Variants in ZNF438 observed in about 807,000 individuals in gnomAD.
ZNF438 encodes zinc finger protein 438.
Under a neutral mutation model 38.0 loss-of-function variants are expected in ZNF438, and 25 were observed. The observed-to-expected ratio is 0.66, with a 90% CI of 0.48 to 0.92. The LOEUF (loss-of-function observed/expected upper bound fraction) is 0.92. Among genes scored for constraint, ZNF438 ranks in the 40% least tolerant of loss-of-function variants. The pLI is 0.00. For missense variants in ZNF438, 1,007 were observed against 999.6 expected, an observed-to-expected ratio of 1.01 and a Z score of -0.10; for synonymous variants, 372 against 364.1, an observed-to-expected ratio of 1.02 and a Z score of -0.25.
At chr10:30,891,450 A>G (rs1301944355) in intron 3 of ZNF438, among the ~76,000 whole-genome samples, 1 of 152,212 alleles carries the variant, frequency 6.6e-6, no homozygotes, top group African/African-American at 2.4e-5. Context: ...TTCCGTAACT[A>G]AAAGTGACAG....
At chr10:31,012,498 T>C (rs2055805680) in intron 1 of ZNF438, among the ~76,000 whole-genome samples, 1 of 151,852 alleles carries the variant, frequency 6.6e-6, no homozygotes, top group Non-Finnish European at 1.5e-5. Flanking sequence ...ATACACATAA[T>C]ATATGTTAAT....
rs2049902905 is a variant in ZNF438, at chr10:30,964,536, A to AGCATT, written c.-191-22890_-191-22886dup. ...TACCAGGCACAATGCTGTTTACACTAGCATTCTGCAAGTATTTGTTGACTG... is the reference window on the plus strand; with the variant it reads ...TACCAGGCACAATGCTGTTTACACTAGCATTGCATTCTGCAAGTATTTGTTGACTG... On this transcript the variant is annotated intron_variant, in intron 1 of 5. Coordinates refer to ENST00000413025, the Ensembl canonical transcript of ZNF438. Among the ~76,000 whole-genome samples, 6 of 152,364 alleles carry AGCATT rather than the reference A, an allele frequency of 3.9e-5. No individual in the cohort carries two copies. The South Asian group carries it at 1.2e-3, about 32-fold the overall frequency.
chr10:30,915,545 A>G (rs1470214147), intron 2 of ZNF438, among the ~76,000 whole-genome samples: 1 of 151,904 alleles, frequency 6.6e-6, no homozygotes, highest in Non-Finnish European at 1.5e-5. Context: ...CTACAAATGT[A>G]GGACTATATA....
intron 2 of ZNF438, among the ~76,000 whole-genome samples, chr10:30,940,309 T>G (rs2046681250): frequency 6.6e-6 from 1 of 152,048 alleles, no homozygotes; most frequent in Non-Finnish European, 1.5e-5. Flanking sequence ...ACACAAACAA[T>G]AAAGCTACAC....
chr10:31,026,238 T>C (rs1367910825), intron 1 of ZNF438, among the ~76,000 whole-genome samples: 1 of 152,048 alleles, frequency 6.6e-6, no homozygotes, highest in Non-Finnish European at 1.5e-5. Context: ...AACTGACAAA[T>C]GGGATCTAAT....
chr10:30,878,393 A>G (rs2038759707), intron 3 of ZNF438, among the ~76,000 whole-genome samples: 1 of 152,100 alleles, frequency 6.6e-6, no homozygotes, highest in South Asian at 2.1e-4. Flanking sequence ...CTTCAGAGGG[A>G]CGCTCTGACT....
chr10:30,979,515 C>T (rs1351442305), intron 1 of ZNF438, among the ~76,000 whole-genome samples: 1 of 152,182 alleles, frequency 6.6e-6, no homozygotes, highest in Non-Finnish European at 1.5e-5. Flanking sequence ...TCAAACTATA[C>T]TACAAGGCTA....
intron 1 of ZNF438, among the ~76,000 whole-genome samples, chr10:30,995,086 A>C (rs560920685): frequency 6.6e-6 from 1 of 152,182 alleles, no homozygotes; most frequent in East Asian, 1.9e-4. Flanking sequence ...TAAATAAATA[A>C]TGGTTGAAAT....
At chr10:30,901,616 C>T (rs540121479) in intron 3 of ZNF438, among the ~76,000 whole-genome samples, 145 of 152,260 alleles carry the variant, frequency 9.5e-4, no homozygotes, top group Admixed American at 2.3e-3. Flanking sequence ...GTACTCACTG[C>T]TTGGCGATAG....
intron 4 of ZNF438, 117 bp downstream of exon 5, chr10:30,876,881 T>C (rs2038509764): frequency 4.4e-6 from 3 of 677,042 alleles, no homozygotes; most frequent in Non-Finnish European, 6.6e-6. Flanking sequence ...ATAATTATAA[T>C]TTTTATTTTT....
chr10:30,867,618 T>C (rs1328740313), intron 4 of ZNF438, among the ~76,000 whole-genome samples: 8 of 151,980 alleles, frequency 5.3e-5, no homozygotes, highest in Non-Finnish European at 1.5e-5. Flanking sequence ...GAAATCTAAC[T>C]TCCTATGTCT....
At chr10:30,928,420 G>A (rs993662468) in intron 2 of ZNF438, among the ~76,000 whole-genome samples, 3 of 151,972 alleles carry the variant, frequency 2.0e-5, no homozygotes, top group Non-Finnish European at 4.4e-5. Flanking sequence ...CGAAAGGGAA[G>A]ACAAAAACTA....
intron 1 of ZNF438, among the ~76,000 whole-genome samples, chr10:30,962,497 CAG>C (rs1037187595): frequency 3.4e-5 from 5 of 147,256 alleles, no homozygotes; most frequent in African/African-American, 1.2e-4. Context: ...GGAAGAAAGA[CAG>C]GGGGTGGGTG....
intron 2 of ZNF438, among the ~76,000 whole-genome samples, chr10:30,910,101 C>A (rs1033518805): frequency 6.6e-6 from 1 of 152,140 alleles, no homozygotes; most frequent in Non-Finnish European, 1.5e-5. Context: ...CTGCCCTTGT[C>A]CAGGACAGGC....
chr10:31,002,560 AT>A (rs1440867833), intron 1 of ZNF438, among the ~76,000 whole-genome samples: 7 of 152,226 alleles, frequency 4.6e-5, no homozygotes, highest in African/African-American at 1.4e-4. Flanking sequence ...CGATTAAAAA[AT>A]ATTTAGCTCT....
intron 2 of ZNF438, among the ~76,000 whole-genome samples, chr10:30,911,007 T>C (rs889012225): frequency 6.6e-6 from 1 of 152,096 alleles, no homozygotes; most frequent in African/African-American, 2.4e-5. Context: ...AATAAATACA[T>C]ATAATGTTTC....
At chr10:30,896,748 C>G (rs931895009) in intron 3 of ZNF438, among the ~76,000 whole-genome samples, 3 of 152,000 alleles carry the variant, frequency 2.0e-5, no homozygotes, top group East Asian at 3.8e-4. Context: ...ATGAAAAATT[C>G]TAGAGTTTGG....
rs748079480 is a variant in ZNF438 at position 30,848,987 on chromosome 10, G to T, written c.1418C>A (p.Ser473Ter). 1 of 1,614,026 alleles carries T rather than the reference G, an allele frequency of 6.2e-7. No homozygotes were observed. Among genetic ancestry groups the T allele is most frequent in the Non-Finnish European group, 8.5e-7 (1 of 1,180,044 alleles). The stretch of plus-strand genomic sequence containing the variant: ...ACAGCCAAGATATTTAGGAGTGAGT[G>T]AATTATTTAACAAAACATCCTGTCC... Residue 473 changes from serine (S) to a stop codon, truncating the protein, a stop_gained, in exon 5 of 6, where the codon TCA becomes TAA. Coordinates refer to ENST00000413025, the Ensembl canonical transcript of ZNF438. LOFTEE classifies it high-confidence loss of function.
intron 4 of ZNF438, among the ~76,000 whole-genome samples, chr10:30,862,195 G>C (rs1381566419): frequency 6.6e-6 from 1 of 152,096 alleles, no homozygotes; most frequent in African/African-American, 2.4e-5. Context: ...TTTCTCAATG[G>C]GGCTGGTGAA....
Sources: gnomAD v4.1 joint callset for allele counts (sites outside exome capture counted in the v4.1 genomes callset) on GRCh38, gnomAD v4.1.1 for gene constraint, MANE v1.5 for transcripts, NCBI Gene and HGNC (gene_info 2026-07-23, HGNC 2026-07-21) for gene names.